Variants in WWOX observed in about 807,000 individuals in gnomAD.
WWOX encodes the protein WW domain containing oxidoreductase, also known as WW domain-containing oxidoreductase.
A neutral mutation model predicts 46.2 loss-of-function variants in WWOX; 69 were observed. That is an observed-to-expected ratio of 1.49 (90% CI 1.23 to 1.82). WWOX has a LOEUF of 1.82. Among genes scored for constraint, WWOX ranks in the 40% most tolerant of loss-of-function variants. WWOX has a pLI of 0.00. For synonymous variants in WWOX, 359 were observed against 202.6 expected, an observed-to-expected ratio of 1.77 and a Z score of -6.56; for missense variants, 919 against 542.6, an observed-to-expected ratio of 1.69 and a Z score of -6.89.
intron 8 of WWOX, among the ~76,000 whole-genome samples, chr16:79,126,281 A>C (rs2049752593): frequency 6.6e-6 from 1 of 152,144 alleles, no homozygotes; most frequent in East Asian, 1.9e-4. Flanking sequence ...CCTAGTCAAC[A>C]TGAGTGATTT....
chr16:78,538,511 G>A (rs1437034422), intron 8 of WWOX, among the ~76,000 whole-genome samples: 2 of 152,098 alleles, frequency 1.3e-5, no homozygotes, highest in African/African-American at 4.8e-5. Context: ...TTTGTCTGTA[G>A]CCTGCCCTCC....
chr16:78,345,921 G>GT (rs1190993278), intron 5 of WWOX, among the ~76,000 whole-genome samples: 2 of 118,638 alleles, frequency 1.7e-5, no homozygotes, highest in African/African-American at 5.8e-5. Context: ...AATTCAATGA[G>GT]TTTTGACAGA....
At chr16:78,645,845 C>G (rs57818167) in intron 8 of WWOX, among the ~76,000 whole-genome samples, 8,165 of 152,144 alleles carry the variant, frequency 0.054, 307 homozygotes, top group South Asian at 0.16. Flanking sequence ...GGGCTGGGCT[C>G]TGGGGGCTTC....
At chr16:78,595,361 C>G (rs1313490825) in intron 8 of WWOX, among the ~76,000 whole-genome samples, 2 of 150,722 alleles carry the variant, frequency 1.3e-5, no homozygotes, top group Non-Finnish European at 3.0e-5. Flanking sequence ...TGAGTCTTCT[C>G]CTTGCTTCAA....
intron 5 of WWOX, among the ~76,000 whole-genome samples, chr16:78,317,706 G>A (rs187744732): frequency 1.3e-5 from 2 of 152,088 alleles, no homozygotes; most frequent in Non-Finnish European, 2.9e-5. Flanking sequence ...GAGAGTAAGC[G>A]ACTCAGCAGG....
chr16:78,630,138 T>TTGAA lies in WWOX; in HGVS notation c.1056+197410_1056+197413dup, dbSNP rs556656279. On this transcript the variant is annotated intron_variant, in intron 8 of 8. Transcript: ENST00000566780. The stretch of plus-strand genomic sequence containing the variant: ...CAGAGAGAGTCCTCAAAAATAATTG[T>TTGAA]TGAATGAATGAATGAATGAATGAAT... Among the ~76,000 whole-genome samples the TTGAA allele has an allele frequency of 4.8e-3, 729 of 152,186 alleles. 8 individuals carry two copies. The highest frequency in any genetic ancestry group is 0.016 in the African/African-American group (671 of 41,524).
At chr16:79,044,138 G>A (rs2048024006) in intron 8 of WWOX, among the ~76,000 whole-genome samples, 1 of 152,210 alleles carries the variant, frequency 6.6e-6, no homozygotes, top group South Asian at 2.1e-4. Flanking sequence ...AACACGTACT[G>A]GGAATCCCAA....
chr16:78,758,821 C>G (rs146846026), intron 8 of WWOX, among the ~76,000 whole-genome samples: 1 of 151,616 alleles, frequency 6.6e-6, no homozygotes, highest in South Asian at 2.1e-4. Flanking sequence ...GAGGATGTAT[C>G]TCAGTTGCCA....
At chr16:79,152,653 G>A (rs2050303630) in intron 8 of WWOX, among the ~76,000 whole-genome samples, 1 of 149,602 alleles carries the variant, frequency 6.7e-6, no homozygotes, top group African/African-American at 2.5e-5. Flanking sequence ...CTTGGCGACA[G>A]AGTGAGTCTC....
At chr16:79,065,482 G>A (rs777559884) in intron 8 of WWOX, among the ~76,000 whole-genome samples, 1 of 152,180 alleles carries the variant, frequency 6.6e-6, no homozygotes, top group Non-Finnish European at 1.5e-5. Flanking sequence ...CTCAGTTCCA[G>A]TTGAATCACA....
chr16:78,602,958 C>T (rs1179586648), intron 8 of WWOX, among the ~76,000 whole-genome samples: 1 of 152,186 alleles, frequency 6.6e-6, no homozygotes, highest in East Asian at 1.9e-4. Context: ...TTTCCATCTC[C>T]CTGATCAGAA....
intron 8 of WWOX, among the ~76,000 whole-genome samples, chr16:78,522,639 C>A (rs1440508543): frequency 6.6e-6 from 1 of 152,200 alleles, no homozygotes; most frequent in Non-Finnish European, 1.5e-5. Flanking sequence ...AAATGGTATT[C>A]TATAGCAACA....
rs186362125 is a variant in WWOX at position 78,971,178 on chromosome 16, G to T, written c.1057-240430G>T. On this transcript the variant is annotated intron_variant, in intron 8 of 8. Transcript: ENST00000566780. ...CTGTGGTCAAGAGATAGACTTTTTA[G>T]GGCCGGGCACGGTGGCCTACACCTG... 1.5e-4 allele frequency among the ~76,000 whole-genome samples: 23 copies of T among 152,022 alleles called. No individual in the cohort carries two copies. The East Asian group carries it at 3.9e-3, about 26-fold the overall frequency.
chr16:78,497,561 CAT>C (rs1218200668), intron 8 of WWOX, among the ~76,000 whole-genome samples: 11 of 152,190 alleles, frequency 7.2e-5, no homozygotes, highest in Non-Finnish European at 1.5e-4. Context: ...GCAAACCACA[CAT>C]GTGATAAGGG....
chr16:79,129,953 T>G (rs1293529781), intron 8 of WWOX, among the ~76,000 whole-genome samples: 1 of 152,168 alleles, frequency 6.6e-6, no homozygotes, highest in Non-Finnish European at 1.5e-5. Flanking sequence ...ACTTTGCCAC[T>G]TTAAGTCTCC....
chr16:78,182,977 A>C (rs1401621736), intron 5 of WWOX, among the ~76,000 whole-genome samples: 1 of 151,472 alleles, frequency 6.6e-6, no homozygotes, highest in Non-Finnish European at 1.5e-5. Flanking sequence ...AGAAAGAAAG[A>C]AAGCAAAGGT....
intron 8 of WWOX, among the ~76,000 whole-genome samples, chr16:79,032,561 T>C (rs147790432): frequency 9.2e-4 from 136 of 148,392 alleles, no homozygotes; most frequent in African/African-American, 2.9e-3. Flanking sequence ...TAATATACTT[T>C]CCATACATAC....
At chr16:78,938,410 A>T (rs1350498139) in intron 8 of WWOX, among the ~76,000 whole-genome samples, 1 of 151,918 alleles carries the variant, frequency 6.6e-6, no homozygotes, top group African/African-American at 2.4e-5. Flanking sequence ...AGGCCCAGAC[A>T]CAGAGAGCTT....
intron 8 of WWOX, among the ~76,000 whole-genome samples, chr16:79,035,875 G>C (rs529954456): frequency 6.6e-6 from 1 of 152,228 alleles, no homozygotes; most frequent in Non-Finnish European, 1.5e-5. Flanking sequence ...GATTACAGGC[G>C]TGAGCCACTA....
Sources: gnomAD v4.1 joint callset for allele counts (sites outside exome capture counted in the v4.1 genomes callset) on GRCh38, gnomAD v4.1.1 for gene constraint, MANE v1.5 for transcripts, NCBI Gene and HGNC (gene_info 2026-07-23, HGNC 2026-07-21) for gene names.